Variants in NDST3 observed in about 807,000 individuals in gnomAD.
NDST3 encodes N-deacetylase and N-sulfotransferase 3, also known as bifunctional heparan sulfate N-deacetylase/N-sulfotransferase 3.
Under a neutral mutation model 96.1 loss-of-function variants are expected in NDST3, and 58 were observed. The observed-to-expected ratio is 0.60, with a 90% CI of 0.49 to 0.75. NDST3 has a LOEUF of 0.75. NDST3 is among the 30% of genes least tolerant of loss of function. NDST3 has a pLI of 0.00. For synonymous variants in NDST3, 333 were observed against 359.7 expected (o/e 0.93, Z 0.84); for missense variants, 788 against 1,034.2 (o/e 0.76, Z 3.27).
chr4:118,057,111 A>G (rs947044828), intron 2 of NDST3, among the ~76,000 whole-genome samples: 11 of 152,014 alleles, frequency 7.2e-5, no homozygotes, highest in Admixed American at 3.9e-4. Context: ...ATTAAGATCT[A>G]TTTAGGAAGT....
At chr4:118,106,471 G>A (rs1212758552) in intron 3 of NDST3, among the ~76,000 whole-genome samples, 3 of 152,014 alleles carry the variant, frequency 2.0e-5, no homozygotes, top group Non-Finnish European at 4.4e-5. Context: ...TCAGCCTTTT[G>A]AGTAGCTGGG....
chr4:118,100,397 C>T (rs1729668689), intron 2 of NDST3, among the ~76,000 whole-genome samples: 1 of 152,024 alleles, frequency 6.6e-6, no homozygotes, highest in Non-Finnish European at 1.5e-5. Context: ...AGTTCTCCAG[C>T]TTGCCTCCAC....
upstream of NDST3, chr4:118,033,522 GGCTCCCGTCCTCAGCTCCCGCTCCCT>G (rs1411840109): frequency 6.6e-6 from 1 of 151,814 alleles, no homozygotes; most frequent in Non-Finnish European, 1.5e-5. Flanking sequence ...CGATGGAGGC[GGCTCCCGTCCTCAGCTCCCGCTCCCT>G]CCCCTTCCCC....
At chr4:118,063,398 C>T (rs1726057455) in intron 2 of NDST3, among the ~76,000 whole-genome samples, 1 of 152,010 alleles carries the variant, frequency 6.6e-6, no homozygotes, top group South Asian at 2.1e-4. Context: ...AAAATAATGT[C>T]ATAAGATTTC....
intron 2 of NDST3, among the ~76,000 whole-genome samples, chr4:118,060,123 T>G (rs1725775129): frequency 6.6e-6 from 1 of 152,082 alleles, no homozygotes; most frequent in South Asian, 2.1e-4. Context: ...TGTATTCTTT[T>G]TTGGGGGGTG....
chr4:118,220,676 A>G (rs1739479710), intron 6 of NDST3, among the ~76,000 whole-genome samples: 1 of 151,986 alleles, frequency 6.6e-6, no homozygotes, highest in African/African-American at 2.4e-5. Context: ...TGTCTGTATG[A>G]ACCAGTTCTC....
intron 13 of NDST3, among the ~76,000 whole-genome samples, chr4:118,254,245 C>CAAAAAAAA (rs33924467): frequency 7.8e-6 from 1 of 127,668 alleles, no homozygotes; most frequent in Non-Finnish European, 1.6e-5. Context: ...AACTCCAACT[C>CAAAAAAAA]AAAAAAAAAA....
intron 2 of NDST3, among the ~76,000 whole-genome samples, chr4:118,091,422 G>A (rs1235308890): frequency 6.6e-6 from 1 of 151,704 alleles, no homozygotes; most frequent in African/African-American, 2.4e-5. Flanking sequence ...TATACAGCAG[G>A]GTCTCAGGAG....
At chr4:118,040,754 C>A (rs1265890889) in intron 1 of NDST3, among the ~76,000 whole-genome samples, 1 of 151,172 alleles carries the variant, frequency 6.6e-6, no homozygotes, top group Admixed American at 6.6e-5. Flanking sequence ...GTGATCATGG[C>A]TCACTGCAGC....
chr4:118,057,629 A>G (rs778121429), intron 2 of NDST3, among the ~76,000 whole-genome samples: 2 of 152,032 alleles, frequency 1.3e-5, no homozygotes, highest in Non-Finnish European at 2.9e-5. Flanking sequence ...GCAGTATAAA[A>G]CCCAACAGCA....
rs370770497 is a variant in NDST3 at position 118,114,909 on chromosome 4, C to T, written c.1173C>T (p.His391=). 6.8e-5 allele frequency: 109 copies of T among 1,613,974 alleles called. No homozygotes were observed. In the African/African-American group the frequency reaches 1.2e-3, roughly 18 times the overall value. Residue 391 remains histidine (H), a synonymous_variant, in exon 4 of 14, where the codon CAC becomes CAT. Transcript: ENST00000296499. ...MWSHMQPHLF[H]NESSLVEQMI... is the part of the protein sequence containing the mutation. ...GCCATATGCAGCCCCACCTCTTCCA[C>T]AATGAGTCATCTTTGGTGGAGCAGA...
intron 2 of NDST3, among the ~76,000 whole-genome samples, chr4:118,058,814 A>T (rs1475082463): frequency 6.6e-6 from 1 of 152,100 alleles, no homozygotes; most frequent in East Asian, 1.9e-4. Flanking sequence ...CCATTAAAGC[A>T]TTTGTTTTAC....
At chr4:118,074,387 C>T (rs1727327946) in intron 2 of NDST3, among the ~76,000 whole-genome samples, 1 of 151,992 alleles carries the variant, frequency 6.6e-6, no homozygotes, top group Admixed American at 6.6e-5. Flanking sequence ...CTAGATCCCT[C>T]CATAGATCTC....
chr4:118,197,502 C>T (rs1011853385), intron 6 of NDST3, among the ~76,000 whole-genome samples: 2 of 152,122 alleles, frequency 1.3e-5, no homozygotes, highest in Non-Finnish European at 2.9e-5. Context: ...GCATTCAGTG[C>T]ATATATATTT....
At chr4:118,175,653 A>G (rs575174755) in intron 6 of NDST3, among the ~76,000 whole-genome samples, 12 of 152,148 alleles carry the variant, frequency 7.9e-5, no homozygotes, top group African/African-American at 2.6e-4. Context: ...GCCCTCCTTG[A>G]TAGAGGTGAA....
intron 3 of NDST3, among the ~76,000 whole-genome samples, chr4:118,113,369 A>G (rs2125862989): frequency 6.6e-6 from 1 of 152,360 alleles, no homozygotes; most frequent in Non-Finnish European, 1.5e-5. Flanking sequence ...AGTGGAGAGG[A>G]AGTTCCTTCA....
chr4:118,046,192 G>T (rs1724751728), intron 1 of NDST3, among the ~76,000 whole-genome samples: 1 of 152,202 alleles, frequency 6.6e-6, no homozygotes, highest in Non-Finnish European at 1.5e-5. Context: ...ATAGGTTCAT[G>T]ATGGGACTGT....
chr4:118,069,599 A>C (rs1726879683), intron 2 of NDST3, among the ~76,000 whole-genome samples: 1 of 152,096 alleles, frequency 6.6e-6, no homozygotes, highest in African/African-American at 2.4e-5. Context: ...AGCAAAAAGC[A>C]ATTCTCTCCT....
At position 118,112,521 on chromosome 4, in the gene NDST3, T is replaced by C. The variant is rs1014607428; in HGVS notation, c.1070-2285T>C. 7.0e-4 allele frequency among the ~76,000 whole-genome samples: 107 copies of C among 152,248 alleles called. 1 individual carries two copies. Among genetic ancestry groups the C allele is most frequent in the African/African-American group, 2.6e-3 (106 of 41,544 alleles). ...CTGCTCTCAATGTGAGAAAATAAAA[T>C]GGCAACAAATAACTGACACTAATAC... On this transcript the variant is annotated intron_variant, in intron 3 of 13. Transcript: ENST00000296499.
Sources: gnomAD v4.1 joint callset for allele counts (sites outside exome capture counted in the v4.1 genomes callset) on GRCh38, gnomAD v4.1.1 for gene constraint, MANE v1.5 for transcripts, NCBI Gene and HGNC (gene_info 2026-07-23, HGNC 2026-07-21) for gene names.